PTPRM: variants seen among roughly 807,000 people sequenced by gnomAD.
PTPRM encodes protein tyrosine phosphatase receptor type M, also known as receptor-type tyrosine-protein phosphatase mu.
PTPRM carries 47 observed loss-of-function variants against 186.7 expected under a neutral mutation model. The ratio of observed to expected loss-of-function variants is 0.25; its 90% CI spans 0.20 to 0.32. The LOEUF is 0.32. Among genes scored for constraint, PTPRM ranks in the 10% least tolerant of loss-of-function variants. PTPRM has a pLI of 1.00. For missense variants in PTPRM, 1,494 were observed against 1,865.0 expected (o/e 0.80, Z 3.66); for synonymous variants, 668 against 674.9 (o/e 0.99, Z 0.16).
intron 8 of PTPRM, among the ~76,000 whole-genome samples, chr18:8,073,831 G>C (rs1015226407): frequency 5.3e-5 from 8 of 152,144 alleles, no homozygotes; most frequent in African/African-American, 1.9e-4. Context: ...CTTAAACCTG[G>C]GAGGTTGAGG....
intron 1 of PTPRM, among the ~76,000 whole-genome samples, chr18:7,627,304 G>T (rs1011627751): frequency 6.6e-6 from 1 of 152,148 alleles, no homozygotes; most frequent in African/African-American, 2.4e-5. Context: ...CCTTTGCAGG[G>T]TTATAGCTGT....
At chr18:8,387,504 G>GAAAAAGA (rs2095783952) in intron 31 of PTPRM, among the ~76,000 whole-genome samples, 1 of 147,266 alleles carries the variant, frequency 6.8e-6, no homozygotes. Flanking sequence ...CTGCCAAGAG[G>GAAAAAGA]AAAAAAAAAA....
chr18:8,321,974 A>G (rs2095348551), intron 22 of PTPRM, among the ~76,000 whole-genome samples: 2 of 152,182 alleles, frequency 1.3e-5, no homozygotes, highest in Admixed American at 1.3e-4. Context: ...TTCGTAGATC[A>G]CCTTTGTTGA....
rs190164141 is a variant in PTPRM, at chr18:8,172,198, G to A, written c.2300+28419G>A. 1.7e-4 allele frequency among the ~76,000 whole-genome samples: 26 copies of A among 152,000 alleles called. No individual in the cohort carries two copies. In the East Asian group the frequency reaches 2.3e-3, roughly 14 times the overall value. On this transcript the variant is annotated intron_variant, in intron 14 of 32. Transcript: ENST00000580170. ...GCTGGGGAGGCCTCACAATTATGGC[G>A]GAAGGTGAGAAAGGTGGCAAAGATA...
rs2094455829 is a variant in PTPRM at position 8,244,060 on chromosome 18, A to T, written c.2303A>T (p.Lys768Ile). ...LGVVLVMKKR[K>I]LAKKRKETMS... ...ATAATTGAATTCTTTATCCTAAGGA[A>T]ACTGGCCAAGAAGCGGAAAGAGACC... Residue 768 changes from lysine to isoleucine, a missense_variant and splice_region_variant, in exon 15 of 33, where the codon AAA becomes ATA. Coordinates refer to ENST00000580170, the MANE Select transcript of PTPRM (RefSeq NM_001105244.2). 6.2e-7 allele frequency: 1 copy of T among 1,608,164 alleles called. No individual in the cohort carries two copies. Among genetic ancestry groups the T allele is most frequent in the African/African-American group, 1.3e-5 (1 of 74,608 alleles).
At chr18:8,379,142 C>T (rs762970280) in intron 27 of PTPRM, 25 bp from the exon 28 acceptor site, 7 of 1,556,528 alleles carry the variant, frequency 4.5e-6, no homozygotes, top group Admixed American at 1.8e-5. Flanking sequence ...TTCTTGTCCT[C>T]ATGTTCCTTT....
intron 1 of PTPRM, among the ~76,000 whole-genome samples, chr18:7,742,694 A>G (rs747957455): frequency 1.4e-4 from 22 of 152,128 alleles, no homozygotes; most frequent in Non-Finnish European, 2.6e-4. Context: ...TGAAAAATAA[A>G]TAAGTATATA....
At position 7,668,156 on chromosome 18, in the gene PTPRM, T is replaced by C. The variant is rs1326833253; in HGVS notation, c.73+100265T>C. Among the ~76,000 whole-genome samples the C allele has an allele frequency of 6.6e-6, 1 of 152,190 alleles. No homozygotes were observed. Among genetic ancestry groups the C allele is most frequent in the Non-Finnish European group, 1.5e-5 (1 of 68,034 alleles). On this transcript the variant is annotated intron_variant, in intron 1 of 32. Coordinates refer to ENST00000580170, the MANE Select transcript of PTPRM (RefSeq NM_001105244.2). The surrounding 1 kb of genome is among the most constrained non-coding windows in gnomAD (Gnocchi z 4.7). ...TATGAAAGGGAAAGTCAAGCTCTTATTATTTAGCAGTCCTTCTTCAAAGGG... is the reference window on the plus strand; with the variant it reads ...TATGAAAGGGAAAGTCAAGCTCTTACTATTTAGCAGTCCTTCTTCAAAGGG...
chr18:8,029,262 A>C (rs1220762602), intron 7 of PTPRM, among the ~76,000 whole-genome samples: 2 of 134,410 alleles, frequency 1.5e-5, no homozygotes, highest in Admixed American at 7.6e-5. Flanking sequence ...CCTCCCCCAC[A>C]CCTGTCCTGT....
At chr18:8,103,125 A>T (rs1411632301) in intron 11 of PTPRM, among the ~76,000 whole-genome samples, 9 of 152,198 alleles carry the variant, frequency 5.9e-5, no homozygotes, top group African/African-American at 2.2e-4. Context: ...TTGTTGTTCC[A>T]TTTGTAGAGC....
chr18:8,302,014 T>A (rs1445198445), intron 20 of PTPRM, among the ~76,000 whole-genome samples: 1 of 152,040 alleles, frequency 6.6e-6, no homozygotes, highest in Admixed American at 6.6e-5. Context: ...AGGTGGGAGA[T>A]GCAGGGACTC....
At position 7,776,672 on chromosome 18, in the gene PTPRM, C is replaced by G. The variant is rs534399812; in HGVS notation, c.196+2401C>G. The stretch of plus-strand genomic sequence containing the variant: ...TTATCTACTTGGGGAAAAAAAGTTA[C>G]AAAAATACAATTAGTGAACAATCTA... On this transcript the variant is annotated intron_variant, in intron 2 of 32. Coordinates refer to ENST00000580170, the MANE Select transcript of PTPRM (RefSeq NM_001105244.2). 3.8e-4 allele frequency among the ~76,000 whole-genome samples: 58 copies of G among 152,060 alleles called. 1 individual carries two copies. In the South Asian group the frequency reaches 0.012, roughly 31 times the overall value.
intron 14 of PTPRM, among the ~76,000 whole-genome samples, chr18:8,243,210 G>A (rs779372307): frequency 3.9e-5 from 6 of 152,130 alleles, no homozygotes; most frequent in South Asian, 2.1e-4. Context: ...GATGGTCAGC[G>A]AGCAGGATGC....
At chr18:7,679,035 C>T (rs567415135) in intron 1 of PTPRM, among the ~76,000 whole-genome samples, 1 of 152,280 alleles carries the variant, frequency 6.6e-6, no homozygotes, top group East Asian at 1.9e-4. Context: ...TCACATCTTG[C>T]CCAGCAGTGG....
intron 14 of PTPRM, among the ~76,000 whole-genome samples, chr18:8,240,795 A>G (rs942933987): frequency 4.8e-5 from 2 of 41,626 alleles, no homozygotes; most frequent in Non-Finnish European, 9.7e-5. Context: ...AGAGAGAGAG[A>G]GAGAGAGAGA....
chr18:8,282,098 A>G (rs1008978088), intron 19 of PTPRM, among the ~76,000 whole-genome samples: 8 of 152,196 alleles, frequency 5.3e-5, no homozygotes, highest in East Asian at 1.9e-4. Flanking sequence ...AAAAAATCCA[A>G]TTAGAAAATG....
At chr18:7,847,696 A>T (rs2046665549) in intron 2 of PTPRM, among the ~76,000 whole-genome samples, 1 of 152,166 alleles carries the variant, frequency 6.6e-6, no homozygotes, top group African/African-American at 2.4e-5. Flanking sequence ...CTACAACTAA[A>T]GATTAAAAAG....
At chr18:8,217,090 C>T (rs1233250264) in intron 14 of PTPRM, among the ~76,000 whole-genome samples, 1 of 152,212 alleles carries the variant, frequency 6.6e-6, no homozygotes, top group Non-Finnish European at 1.5e-5. Flanking sequence ...ATAATATTTA[C>T]ACATACTTTC....
At chr18:8,249,941 C>G (rs895833454) in intron 17 of PTPRM, among the ~76,000 whole-genome samples, 1 of 150,490 alleles carries the variant, frequency 6.6e-6, no homozygotes, top group African/African-American at 2.4e-5. Flanking sequence ...TTACACGTTA[C>G]TTGGTGCAAA....
Sources: allele counts gnomAD v4.1 joint callset (sites outside exome capture counted in the v4.1 genomes callset), GRCh38; gene constraint gnomAD v4.1.1; non-coding constraint Gnocchi (gnomAD v3.1); transcripts MANE v1.5; gene names NCBI Gene and HGNC (gene_info 2026-07-23, HGNC 2026-07-21).